The following CACNA2D3 variants were observed in gnomAD, a reference collection of about 807,000 sequenced individuals.
CACNA2D3 encodes calcium voltage-gated channel auxiliary subunit alpha2delta 3.
CACNA2D3 carries 60 observed loss-of-function variants against 160.6 expected under a neutral mutation model. The observed-to-expected ratio is 0.37, with a 90% CI of 0.30 to 0.46. The LOEUF (loss-of-function observed/expected upper bound fraction) is 0.46, where lower values mean the gene tolerates loss of function less well. Among genes scored for constraint, CACNA2D3 ranks in the 20% least tolerant of loss-of-function variants. The probability of loss-of-function intolerance (pLI) is 1.00; values close to 1 mark genes in which losing one functional copy is unlikely to be tolerated. For synonymous variants in CACNA2D3, 558 were observed against 492.9 expected, an observed-to-expected ratio of 1.13 and a Z score of -1.75; for missense variants, 1,205 against 1,365.0, an observed-to-expected ratio of 0.88 and a Z score of 1.85.
chr3:54,181,362 T>C (rs983735730), intron 2 of CACNA2D3, among the ~76,000 whole-genome samples: 4 of 152,212 alleles, frequency 2.6e-5, no homozygotes, highest in Admixed American at 2.6e-4. Context: ...TACCATTCAG[T>C]GATTAACCTC....
At chr3:54,654,657 A>G (rs1699843539) in intron 11 of CACNA2D3, among the ~76,000 whole-genome samples, 1 of 152,118 alleles carries the variant, frequency 6.6e-6, no homozygotes, top group African/African-American at 2.4e-5. Flanking sequence ...GCCGGCGGGC[A>G]AGTGCTAAGG....
At chr3:54,979,211 C>T (rs1436075847) in intron 29 of CACNA2D3, among the ~76,000 whole-genome samples, 1 of 152,118 alleles carries the variant, frequency 6.6e-6, no homozygotes, top group Non-Finnish European at 1.5e-5. Context: ...TTACTTACCA[C>T]AGGTCAGGAA....
At chr3:54,444,771 A>G (rs1700195075) in intron 4 of CACNA2D3, among the ~76,000 whole-genome samples, 1 of 152,250 alleles carries the variant, frequency 6.6e-6, no homozygotes, top group Non-Finnish European at 1.5e-5. Flanking sequence ...TAACATGACT[A>G]TAGGAGCTTA....
chr3:54,687,138 TTTTTTTTTTTTTG>T lies in CACNA2D3; in HGVS notation c.1167+44905_1167+44917del, dbSNP rs1559549440. On this transcript the variant is annotated intron_variant, in intron 11 of 37. Transcript: ENST00000474759. ...TTCTTTTTCTTTTTTTTTTTTTGTT[TTTTTTTTTTTTTG>T]TTTTTTTGACACTGGGCCTCACCCT... Among the ~76,000 whole-genome samples, 20 of 69,058 alleles carry T rather than the reference TTTTTTTTTTTTTG, an allele frequency of 2.9e-4. 1 individual carries two copies. The highest frequency in any genetic ancestry group is 5.2e-3 in the Middle Eastern group (1 of 194). 45.3% of individuals were successfully genotyped at this position (69,058 alleles called of 152,430 possible). A position where few individuals can be genotyped will look rare whatever the true frequency, so the allele number is the denominator to read the frequency against.
chr3:54,586,255 T>C (rs1575362259), intron 9 of CACNA2D3, among the ~76,000 whole-genome samples: 1 of 84,298 alleles, frequency 1.2e-5, no homozygotes. Flanking sequence ...TAGAGCGAGA[T>C]CCATCTCAAA....
chr3:54,926,660 C>T (rs145237235), intron 27 of CACNA2D3, among the ~76,000 whole-genome samples: 5 of 152,288 alleles, frequency 3.3e-5, no homozygotes, highest in African/African-American at 1.2e-4. Context: ...CACATGGATA[C>T]GTGGAAAGCT....
At chr3:55,045,521 G>C (rs1040196539) in intron 35 of CACNA2D3, among the ~76,000 whole-genome samples, 1 of 152,148 alleles carries the variant, frequency 6.6e-6, no homozygotes, top group African/African-American at 2.4e-5. Context: ...GAAGACATCT[G>C]GGCTTAGAGA....
intron 13 of CACNA2D3, among the ~76,000 whole-genome samples, chr3:54,798,209 C>T (rs1354693882): frequency 1.3e-5 from 2 of 152,150 alleles, no homozygotes; most frequent in African/African-American, 4.8e-5. Context: ...TATTTTACCC[C>T]AATGTCTTTA....
At chr3:54,246,449 T>G (rs919148420) in intron 2 of CACNA2D3, among the ~76,000 whole-genome samples, 3 of 152,188 alleles carry the variant, frequency 2.0e-5, no homozygotes, top group African/African-American at 7.2e-5. Flanking sequence ...TCCCAGTACT[T>G]TGGGAGGCCA....
intron 5 of CACNA2D3, among the ~76,000 whole-genome samples, chr3:54,549,608 C>T (rs1411297455): frequency 6.6e-6 from 1 of 152,204 alleles, no homozygotes; most frequent in Admixed American, 6.5e-5. Flanking sequence ...GCTCCCCATT[C>T]CTTTCCCACA....
intron 27 of CACNA2D3, among the ~76,000 whole-genome samples, chr3:54,960,054 G>A (rs1327240972): frequency 6.8e-6 from 1 of 147,196 alleles, no homozygotes; most frequent in Admixed American, 6.8e-5. Flanking sequence ...AAAGGTGACA[G>A]TTCCGAGAAG....
intron 18 of CACNA2D3, among the ~76,000 whole-genome samples, chr3:54,871,906 C>T (rs954018777): frequency 2.0e-5 from 3 of 152,248 alleles, no homozygotes; most frequent in Admixed American, 6.5e-5. Flanking sequence ...TGACTCCAGC[C>T]TTCTTCCCAG....
At chr3:54,564,175 C>T in intron 6 of CACNA2D3, among the ~76,000 whole-genome samples, 1 of 152,164 alleles carries the variant, frequency 6.6e-6, no homozygotes, top group Admixed American at 6.5e-5. Flanking sequence ...CTATGCGGCA[C>T]TGTGAAGAGG....
chr3:54,182,000 C>A (rs1251587902), intron 2 of CACNA2D3, among the ~76,000 whole-genome samples: 1 of 152,108 alleles, frequency 6.6e-6, no homozygotes, highest in Non-Finnish European at 1.5e-5. Context: ...TTTTAATAAT[C>A]TAGTGGGCTT....
intron 3 of CACNA2D3, among the ~76,000 whole-genome samples, chr3:54,364,781 A>G (rs2107544194): frequency 6.6e-6 from 1 of 152,384 alleles, no homozygotes; most frequent in South Asian, 2.1e-4. Flanking sequence ...AGTGCAAAGA[A>G]GCGGAAAGAG....
At chr3:54,655,008 C>T (rs898371328) in intron 11 of CACNA2D3, among the ~76,000 whole-genome samples, 2 of 152,200 alleles carry the variant, frequency 1.3e-5, no homozygotes, top group African/African-American at 4.8e-5. Context: ...AGAGCCCCAG[C>T]GCCAGTCCCA....
intron 35 of CACNA2D3, among the ~76,000 whole-genome samples, chr3:55,036,265 G>A (rs1703813925): frequency 6.6e-6 from 1 of 151,838 alleles, no homozygotes; most frequent in African/African-American, 2.4e-5. Context: ...TGGCCAACAT[G>A]GTGAAACTCT....
At chr3:54,255,648 A>G (rs1702277798) in intron 2 of CACNA2D3, among the ~76,000 whole-genome samples, 1 of 152,066 alleles carries the variant, frequency 6.6e-6, no homozygotes, top group Admixed American at 6.6e-5. Flanking sequence ...GCCGGTAACA[A>G]AAGTACAATC....
chr3:54,288,053 G>A (rs1703079322), intron 2 of CACNA2D3, among the ~76,000 whole-genome samples: 2 of 151,888 alleles, frequency 1.3e-5, no homozygotes, highest in South Asian at 2.1e-4. Context: ...GCTAGCAGAA[G>A]GCAAGAAATA....
Sources: gnomAD v4.1 joint callset for allele counts (sites outside exome capture counted in the v4.1 genomes callset) on GRCh38, gnomAD v4.1.1 for gene constraint, MANE v1.5 for transcripts, NCBI Gene and HGNC (gene_info 2026-07-23, HGNC 2026-07-21) for gene names.